The following HECW2 variants were observed in gnomAD, a reference collection of about 807,000 sequenced individuals.
HECW2 encodes the protein HECT, C2 and WW domain containing E3 ubiquitin protein ligase 2.
HECW2 carries 61 observed loss-of-function variants against 175.2 expected under a neutral mutation model. The observed-to-expected ratio is 0.35, with a 90% CI of 0.28 to 0.43. The LOEUF is 0.43. Among genes scored for constraint, HECW2 ranks in the 20% least tolerant of loss-of-function variants. The pLI, the probability that HECW2 is intolerant of heterozygous loss-of-function variation, is 1.00. For missense variants in HECW2, 1,524 were observed against 2,000.5 expected (o/e 0.76, Z 4.54); for synonymous variants, 671 against 731.0 (o/e 0.92, Z 1.32).
intron 1 of HECW2, among the ~76,000 whole-genome samples, chr2:196,496,111 A>G (rs1037245759): frequency 2.6e-5 from 4 of 152,138 alleles, no homozygotes; most frequent in Admixed American, 6.6e-5. Context: ...CGAGTTTTCA[A>G]TAAGTACAGA....
At chr2:196,367,102 T>C (rs7596549) in intron 2 of HECW2, among the ~76,000 whole-genome samples, 3,154 of 152,300 alleles carry the variant, frequency 0.021, 76 homozygotes, top group African/African-American at 0.054. Context: ...AAAGAACACA[T>C]TCAGAGACTC....
intron 10 of HECW2, among the ~76,000 whole-genome samples, chr2:196,311,733 GC>G (rs1691504403): frequency 6.6e-6 from 1 of 152,128 alleles, no homozygotes; most frequent in Non-Finnish European, 1.5e-5. Flanking sequence ...GGAGGCAGAG[GC>G]TGTAGTGAGC....
rs563080151 is a variant in HECW2 at position 196,475,207 on chromosome 2, G to T, written c.-35-41749C>A. On this transcript the variant is annotated intron_variant, in intron 1 of 28. Transcript: ENST00000644978. ...TTGAACAGTTCTCCCTTCCAGCCAA[G>T]GGCAGAAATGAGGAACCTGCCAGAT... Among the ~76,000 whole-genome samples, 5 of 152,198 alleles carry T rather than the reference G, an allele frequency of 3.3e-5. No homozygotes were observed. In the East Asian group the frequency reaches 7.7e-4, roughly 24 times the overall value.
At chr2:196,206,003 C>CA (rs1041737892) in intron 28 of HECW2, among the ~76,000 whole-genome samples, 13 of 151,852 alleles carry the variant, frequency 8.6e-5, no homozygotes, top group Middle Eastern at 3.4e-3. Flanking sequence ...AGGAAAAAAA[C>CA]AAAAAAAATG....
At chr2:196,325,585 A>C (rs2105779123) in intron 5 of HECW2, among the ~76,000 whole-genome samples, 1 of 152,316 alleles carries the variant, frequency 6.6e-6, no homozygotes, top group South Asian at 2.1e-4. Context: ...TCTTGAGGGA[A>C]ATACTGAGTA....
At chr2:196,413,270 G>A (rs76463293) in intron 2 of HECW2, among the ~76,000 whole-genome samples, 2,228 of 152,164 alleles carry the variant, frequency 0.015, 28 homozygotes, top group African/African-American at 0.024. Flanking sequence ...TGGGAGGATC[G>A]CTTGAGCACA....
At chr2:196,523,618 T>C (rs1226218154) in intron 1 of HECW2, among the ~76,000 whole-genome samples, 1 of 151,590 alleles carries the variant, frequency 6.6e-6, no homozygotes, top group Non-Finnish European at 1.5e-5. Flanking sequence ...TGGTTTGTCA[T>C]AGATAGCTCT....
intron 1 of HECW2, among the ~76,000 whole-genome samples, chr2:196,504,643 A>G (rs1488493148): frequency 1.3e-5 from 2 of 152,212 alleles, no homozygotes; most frequent in African/African-American, 2.4e-5. Flanking sequence ...CCTCACTCTC[A>G]TAAGAATTCA....
At chr2:196,589,367 G>A (rs1329786890) in intron 1 of HECW2, among the ~76,000 whole-genome samples, 1 of 152,106 alleles carries the variant, frequency 6.6e-6, no homozygotes, top group African/African-American at 2.4e-5. Flanking sequence ...TTTGGTAAAG[G>A]AGCATAGCAA....
intron 22 of HECW2, among the ~76,000 whole-genome samples, chr2:196,226,643 G>A (rs777703539): frequency 1.3e-5 from 2 of 152,114 alleles, no homozygotes; most frequent in Non-Finnish European, 2.9e-5. Context: ...TCTGGAGGTG[G>A]GGAAAATGCT....
At chr2:196,234,796 C>A (rs1438354600) in intron 21 of HECW2, among the ~76,000 whole-genome samples, 1 of 152,122 alleles carries the variant, frequency 6.6e-6, no homozygotes, top group East Asian at 1.9e-4. Flanking sequence ...AAATAGGCAA[C>A]CCCTGCGTGC....
chr2:196,377,276 T>C (rs913240864), intron 2 of HECW2, among the ~76,000 whole-genome samples: 1 of 152,216 alleles, frequency 6.6e-6, no homozygotes, highest in Non-Finnish European at 1.5e-5. Context: ...GTTTTAAAGT[T>C]ATCTACTTGC....
Position 196,433,219 on chromosome 2 carries a change from T to G in HECW2, c.205A>C (p.Thr69Pro). Residue 69 changes from threonine (T) to proline (P), a missense_variant, in exon 2 of 29, where the codon ACG becomes CCG. By Grantham distance (38) the Thr-to-Pro change is conservative. Around this residue, in one of 11 missense-constraint regions of HECW2, gnomAD observed 135 missense variants for 214.6 expected, o/e 0.63. Transcript: ENST00000644978. Reference protein sequence around the residue: ...SSLTASMYEYTLGQAQNLIIF... With the variant: ...SSLTASMYEYPLGQAQNLIIF... ...ATGAGGTTCTGGGCTTGCCCCAGCG[T>G]GTACTCGTACATGCTGGCAGTTAAG... 1 of 1,614,156 alleles carries G rather than the reference T, an allele frequency of 6.2e-7. No homozygotes were observed. The highest frequency in any genetic ancestry group is 1.1e-5 in the South Asian group (1 of 91,082).
chr2:196,272,338 T>C (rs1227606896), intron 16 of HECW2, among the ~76,000 whole-genome samples: 1 of 152,156 alleles, frequency 6.6e-6, no homozygotes, highest in Non-Finnish European at 1.5e-5. Flanking sequence ...AACTTAAAAA[T>C]AGTTAATTAA....
intron 13 of HECW2, among the ~76,000 whole-genome samples, chr2:196,294,970 T>C (rs1196105684): frequency 6.6e-6 from 1 of 152,178 alleles, no homozygotes; most frequent in Non-Finnish European, 1.5e-5. Flanking sequence ...CGTCATTAAA[T>C]ACTTGTTCCC....
chr2:196,581,515 T>C (rs1690783626), intron 1 of HECW2, among the ~76,000 whole-genome samples: 1 of 151,796 alleles, frequency 6.6e-6, no homozygotes. Flanking sequence ...GCCTGGACGA[T>C]ACAGTGAGAC....
chr2:196,216,259 G>T lies in HECW2; in HGVS notation c.4495-282C>A, dbSNP rs144068956. Among the ~76,000 whole-genome samples, 457 of 152,240 alleles carry T rather than the reference G, an allele frequency of 3.0e-3. 2 individuals are homozygous for T. Among genetic ancestry groups the T allele is most frequent in the Non-Finnish European group, 4.9e-3 (330 of 68,004 alleles). On this transcript the variant is annotated intron_variant, in intron 27 of 28. Coordinates refer to ENST00000644978, the MANE Select transcript of HECW2 (RefSeq NM_001348768.2). ...TGACCAGCTCAGAAGCTTAAACCGG[G>T]CACATTTCCCACTATAGATGAATAA...
At chr2:196,227,149 G>A (rs1435845371) in intron 22 of HECW2, among the ~76,000 whole-genome samples, 1 of 152,180 alleles carries the variant, frequency 6.6e-6, no homozygotes, top group Non-Finnish European at 1.5e-5. Flanking sequence ...CACAGAAGAA[G>A]GACTTCAAAT....
At chr2:196,449,939 T>C (rs1029854814) in intron 1 of HECW2, among the ~76,000 whole-genome samples, 5 of 152,202 alleles carry the variant, frequency 3.3e-5, no homozygotes, top group African/African-American at 1.2e-4. Context: ...AGACTTGGAA[T>C]CATAAATATT....
Sources: allele counts gnomAD v4.1 joint callset (sites outside exome capture counted in the v4.1 genomes callset), GRCh38; gene constraint gnomAD v4.1.1; regional missense constraint gnomAD v4.1.1; transcripts MANE v1.5; gene names NCBI Gene and HGNC (gene_info 2026-07-23, HGNC 2026-07-21).